SCAPER: variants seen among roughly 807,000 people sequenced by gnomAD.
The protein encoded by SCAPER is S phase cyclin A-associated protein in the endoplasmic reticulum.
A neutral mutation model predicts 182.2 loss-of-function variants in SCAPER; 98 were observed. The ratio of observed to expected loss-of-function variants is 0.54; its 90% CI spans 0.46 to 0.64. The LOEUF (loss-of-function observed/expected upper bound fraction) is 0.64, where lower values mean the gene tolerates loss of function less well. SCAPER is among the 30% of genes least tolerant of loss of function. The pLI, the probability that SCAPER is intolerant of heterozygous loss-of-function variation, is 0.00. For missense variants in SCAPER, 1,432 were observed against 1,690.0 expected, an observed-to-expected ratio of 0.85 and a Z score of 2.68; for synonymous variants, 605 against 564.6, an observed-to-expected ratio of 1.07 and a Z score of -1.01.
At chr15:76,352,280 A>AC (rs1555409187) in intron 30 of SCAPER, among the ~76,000 whole-genome samples, 2 of 149,332 alleles carry the variant, frequency 1.3e-5, no homozygotes, top group African/African-American at 4.9e-5. Flanking sequence ...TGTTTTACTA[A>AC]TTTTTTTTTT....
chr15:76,617,482 T>G (rs1476967246), intron 22 of SCAPER, among the ~76,000 whole-genome samples: 1 of 152,214 alleles, frequency 6.6e-6, no homozygotes, highest in African/African-American at 2.4e-5. Flanking sequence ...CAGTTTGACC[T>G]GGGCTCAGCT....
intron 9 of SCAPER, 63 bp downstream of exon 9, chr15:76,774,792 C>A: frequency 6.8e-7 from 1 of 1,481,288 alleles, no homozygotes; most frequent in South Asian, 1.4e-5. Context: ...CTAAGACATT[C>A]CAGTACACAT....
intron 23 of SCAPER, among the ~76,000 whole-genome samples, chr15:76,527,640 T>C (rs2144464115): frequency 6.6e-6 from 1 of 152,340 alleles, no homozygotes; most frequent in Middle Eastern, 3.4e-3. Context: ...AACATAGCTG[T>C]TGTATGGGGC....
intron 21 of SCAPER, among the ~76,000 whole-genome samples, chr15:76,644,490 T>A (rs959761868): frequency 3.9e-5 from 6 of 151,986 alleles, no homozygotes; most frequent in Non-Finnish European, 8.8e-5. Context: ...ATATTTGAGG[T>A]CCTCAATAAT....
In SCAPER at chr15:76,353,134, A is replaced by G. The variant is rs538498443; in HGVS notation, c.4047+815T>C. Among the ~76,000 whole-genome samples, 5 of 152,332 alleles carry G rather than the reference A, an allele frequency of 3.3e-5. No individual in the cohort carries two copies. The South Asian group carries it at 1.0e-3, about 32-fold the overall frequency. ...ACTATCATATCCTTTTGACAGAGATAGATGTATATTCACCAGAATATGGAA... is the reference window on the plus strand; with the variant it reads ...ACTATCATATCCTTTTGACAGAGATGGATGTATATTCACCAGAATATGGAA... On this transcript the variant is annotated intron_variant, in intron 30 of 31. Transcript: ENST00000563290.
At chr15:76,810,087 A>G (rs545753513) in intron 5 of SCAPER, among the ~76,000 whole-genome samples, 166 of 152,188 alleles carry the variant, frequency 1.1e-3, no homozygotes, top group Non-Finnish European at 2.1e-3. Flanking sequence ...ACTATACTTG[A>G]TTTACAAGAA....
At chr15:76,544,592 T>C (rs1042179277) in intron 23 of SCAPER, among the ~76,000 whole-genome samples, 4 of 152,130 alleles carry the variant, frequency 2.6e-5, no homozygotes, top group African/African-American at 9.7e-5. Context: ...ATTTTATTCA[T>C]ATAAAATGTC....
intron 23 of SCAPER, among the ~76,000 whole-genome samples, chr15:76,552,211 A>C (rs1186236499): frequency 6.6e-6 from 1 of 152,144 alleles, no homozygotes; most frequent in African/African-American, 2.4e-5. Flanking sequence ...TGAGCTCAGA[A>C]GTTTGAGGTT....
chr15:76,651,186 T>C (rs886944784), intron 21 of SCAPER, among the ~76,000 whole-genome samples: 1 of 151,494 alleles, frequency 6.6e-6, no homozygotes, highest in Non-Finnish European at 1.5e-5. Context: ...CAAACAAAAA[T>C]CAAATGCAGC....
intron 16 of SCAPER, 85 bp from the exon 17 acceptor site, chr15:76,728,822 A>C (rs2060742477): frequency 7.0e-7 from 1 of 1,421,312 alleles, no homozygotes; most frequent in East Asian, 2.5e-5. Context: ...CACCAAACTT[A>C]CATGTTCAAG....
intron 7 of SCAPER, among the ~76,000 whole-genome samples, chr15:76,796,994 C>T (rs923073830): frequency 1.3e-5 from 2 of 152,008 alleles, no homozygotes; most frequent in African/African-American, 2.4e-5. Flanking sequence ...TACAGAGATA[C>T]GGCAGTAATC....
At chr15:76,374,782 C>T (rs1435847688) in intron 29 of SCAPER, among the ~76,000 whole-genome samples, 1 of 150,780 alleles carries the variant, frequency 6.6e-6, no homozygotes, top group Non-Finnish European at 1.5e-5. Flanking sequence ...CCACTGCGCC[C>T]GGCCAAGTAG....
intron 20 of SCAPER, among the ~76,000 whole-genome samples, chr15:76,695,136 T>C (rs757106168): frequency 2.6e-5 from 4 of 152,148 alleles, no homozygotes; most frequent in Non-Finnish European, 5.9e-5. Context: ...AAATGCCAAG[T>C]TACTAAATTA....
chr15:76,707,018 G>A (rs1311626115), intron 17 of SCAPER, among the ~76,000 whole-genome samples: 2 of 151,956 alleles, frequency 1.3e-5, no homozygotes, highest in Non-Finnish European at 2.9e-5. Flanking sequence ...AGTAACACAA[G>A]GGGAAGAGGA....
intron 24 of SCAPER, among the ~76,000 whole-genome samples, chr15:76,503,129 AATT>A (rs1234644967): frequency 6.6e-6 from 1 of 152,182 alleles, no homozygotes; most frequent in African/African-American, 2.4e-5. Context: ...GAACAATATA[AATT>A]ATTAACAGTT....
intron 23 of SCAPER, among the ~76,000 whole-genome samples, chr15:76,539,450 A>C (rs1222494033): frequency 6.6e-5 from 10 of 152,042 alleles, no homozygotes; most frequent in Non-Finnish European, 1.2e-4. Flanking sequence ...ATTATGATTT[A>C]CTTGGTTTGG....
At chr15:76,429,529 A>G (rs2046712930) in intron 26 of SCAPER, among the ~76,000 whole-genome samples, 1 of 152,170 alleles carries the variant, frequency 6.6e-6, no homozygotes, top group South Asian at 2.1e-4. Flanking sequence ...ATTGTTGGGA[A>G]CTGGAGCAAA....
chr15:76,590,013 C>A (rs564765907), intron 22 of SCAPER, among the ~76,000 whole-genome samples: 1 of 152,210 alleles, frequency 6.6e-6, no homozygotes, highest in Non-Finnish European at 1.5e-5. Context: ...ACAATTTGGG[C>A]ACTCACAGTA....
chr15:76,495,848 TAGC>T (rs755019909), intron 24 of SCAPER, among the ~76,000 whole-genome samples: 59 of 152,284 alleles, frequency 3.9e-4, no homozygotes, highest in Non-Finnish European at 7.2e-4. Flanking sequence ...TTCTTCCTCT[TAGC>T]AGTTGAAACT....
Sources: gnomAD v4.1 joint callset for allele counts (sites outside exome capture counted in the v4.1 genomes callset) on GRCh38, gnomAD v4.1.1 for gene constraint, MANE v1.5 for transcripts, NCBI Gene and HGNC (gene_info 2026-07-23, HGNC 2026-07-21) for gene names.